Variants in TMEM67 observed in about 807,000 individuals in gnomAD.
TMEM67 encodes meckelin.
In TMEM67, 124 loss-of-function variants were observed where a neutral mutation model predicts 136.6. The ratio of observed to expected loss-of-function variants is 0.91; its 90% CI spans 0.78 to 1.05. The LOEUF is 1.05. TMEM67 is among the 50% of genes least tolerant of loss of function. TMEM67 has a pLI of 0.00. For synonymous variants in TMEM67, 364 were observed against 390.5 expected (o/e 0.93, Z 0.80); for missense variants, 1,107 against 1,178.4 (o/e 0.94, Z 0.89).
downstream of TMEM67, among the ~76,000 whole-genome samples, chr8:93,818,775 G>T (rs550678968): frequency 6.6e-6 from 1 of 152,246 alleles, no homozygotes; most frequent in South Asian, 2.1e-4. Context: ...ACCACTTGTT[G>T]TAAGGATTAG....
the TMEM67 span, among the ~76,000 whole-genome samples, chr8:93,826,491 A>G: frequency 6.6e-6 from 1 of 152,154 alleles, no homozygotes; most frequent in African/African-American, 2.4e-5. Flanking sequence ...GTGTGACTCA[A>G]TTCTTCCTCC....
At chr8:93,774,632 G>A (rs1442939740) in intron 7 of TMEM67, among the ~76,000 whole-genome samples, 3 of 152,134 alleles carry the variant, frequency 2.0e-5, no homozygotes, top group Non-Finnish European at 4.4e-5. Context: ...CCTTGTGATA[G>A]TTTACTCAGA....
chr8:93,796,711 A>G (rs753405439), intron 18 of TMEM67, among the ~76,000 whole-genome samples: 2 of 152,230 alleles, frequency 1.3e-5, no homozygotes, highest in Non-Finnish European at 2.9e-5. Context: ...AAAGACAGTA[A>G]GAGCATTCGA....
intron 22 of TMEM67, among the ~76,000 whole-genome samples, chr8:93,803,989 C>T (rs1464806260): frequency 6.6e-6 from 1 of 151,674 alleles, no homozygotes; most frequent in African/African-American, 2.4e-5. Context: ...ATTCTCATAC[C>T]TCAACCTCCT....
intron 1 of TMEM67, 53 bp from the exon 2 acceptor site, chr8:93,755,725 T>G (rs1812537231): frequency 8.0e-7 from 1 of 1,244,144 alleles, no homozygotes; most frequent in Non-Finnish European, 1.1e-6. Context: ...GGGAACTTTA[T>G]TTTTATTTAT....
At chr8:93,799,783 A>G (rs779862463) in intron 21 of TMEM67, 25 bp downstream of exon 21, 1 of 1,593,022 alleles carries the variant, frequency 6.3e-7, no homozygotes, top group South Asian at 1.1e-5. Flanking sequence ...AGGTAATATT[A>G]CTTCTAAGTA....
At chr8:93,823,210 C>T (rs1200673531), downstream of TMEM67, among the ~76,000 whole-genome samples, 1 of 152,168 alleles carries the variant, frequency 6.6e-6, no homozygotes, top group Non-Finnish European at 1.5e-5. Context: ...ACTTGTCAGC[C>T]TGGCTGGGTT....
rs1237230292 is a variant in TMEM67 at position 93,797,190 on chromosome 8, T to C, written c.1917T>C (p.Ile639=). The change falls in exon 19 of 28, where the codon ATT becomes ATC. Residue 639 remains isoleucine, a synonymous_variant. Transcript: ENST00000453321. ...ISQITIDVFF[I]DWERPKGKVL... is the part of the protein sequence containing the mutation. Reference sequence around the variant, plus strand: ...AGATTACAATAGATGTATTCTTTATTGATTGGGAGCGACCTAAAGGAAAGG... The same window carrying C: ...AGATTACAATAGATGTATTCTTTATCGATTGGGAGCGACCTAAAGGAAAGG... 6.2e-7 allele frequency: 1 copy of C among 1,613,512 alleles called. No homozygotes were observed.
In TMEM67 at chr8:93,791,372, G is replaced by A. The variant is rs73694955; in HGVS notation, c.1575+53G>A. On this transcript the variant is annotated intron_variant, in intron 15 of 27. Coordinates refer to ENST00000453321, the MANE Select transcript of TMEM67 (RefSeq NM_153704.6). The stretch of plus-strand genomic sequence containing the variant: ...TATACAGTGTATTTTATAATTAAAT[G>A]ATTTCAGATGTGCAAGAAGTTGCTA... The A allele has an allele frequency of 0.011, 14,338 of 1,281,198 alleles. 1,136 individuals carry two copies. The African/African-American group carries it at 0.18, about 16-fold the overall frequency. The allele number at this position is 1,281,198 out of a possible 1,614,324, so 79.4% of individuals were successfully genotyped here.
Position 93,775,296 on chromosome 8 carries a change from G to T in TMEM67, c.714+2645G>T, listed in dbSNP as rs181863612. On this transcript the variant is annotated intron_variant, in intron 7 of 27. Coordinates refer to ENST00000453321, the MANE Select transcript of TMEM67 (RefSeq NM_153704.6). ...TATTGCAAAAAATTTCTCCCATTGT[G>T]TAGGTTGTGTGTTCACTCTGATGAC... Among the ~76,000 whole-genome samples the T allele has an allele frequency of 3.8e-3, 583 of 152,280 alleles. 3 individuals carry two copies. Among genetic ancestry groups the T allele is most frequent in the African/African-American group, 0.014 (568 of 41,536 alleles).
At chr8:93,772,790 G>A in intron 7 of TMEM67, 139 bp downstream of exon 7, 1 of 642,176 alleles carries the variant, frequency 1.6e-6, no homozygotes, top group Non-Finnish European at 2.7e-6. Context: ...ACTCTTTCTT[G>A]TGGGCTGAAA....
intron 6 of TMEM67, among the ~76,000 whole-genome samples, chr8:93,770,034 C>T (rs1257432560): frequency 3.3e-5 from 5 of 152,192 alleles, no homozygotes; most frequent in Non-Finnish European, 2.9e-5. Context: ...GTTAGTGTCT[C>T]CCCATTCCCT....
At chr8:93,784,678 A>G (rs949087128) in intron 11 of TMEM67, among the ~76,000 whole-genome samples, 1 of 152,244 alleles carries the variant, frequency 6.6e-6, no homozygotes, top group Non-Finnish European at 1.5e-5. Context: ...GGAAGGAAAT[A>G]TCAGACAGAA....
chr8:93,810,901 G>A (rs1295058148), intron 26 of TMEM67, among the ~76,000 whole-genome samples: 7 of 152,168 alleles, frequency 4.6e-5, no homozygotes. Flanking sequence ...TATTATTTGT[G>A]ACAGGAGTAG....
intron 3 of TMEM67, among the ~76,000 whole-genome samples, chr8:93,760,734 T>C (rs1361975447): frequency 6.7e-6 from 1 of 150,070 alleles, no homozygotes; most frequent in Non-Finnish European, 1.5e-5. Context: ...ATTTATAAAA[T>C]GCCATAAAAA....
intron 2 of TMEM67, chr8:93,756,081 C>T (rs758774736): frequency 1.7e-4 from 74 of 432,472 alleles, no homozygotes; most frequent in Non-Finnish European, 2.0e-4. Context: ...ATCTGAAATC[C>T]AAAAACCACA....
Position 93,785,235 on chromosome 8 carries a change from T to C in TMEM67, c.1145T>C (p.Ile382Thr), listed in dbSNP as rs1212851821. 3 of 1,584,458 alleles carry C rather than the reference T, an allele frequency of 1.9e-6. No individual in the cohort carries two copies. Among genetic ancestry groups the C allele is most frequent in the Non-Finnish European group, 2.6e-6 (3 of 1,154,486 alleles). ...TTTACTTTTCAGTGTGAGATTCCTATCTCTAAGATCTTAATTGACTTTCCC... is the reference window on the plus strand; with the variant it reads ...TTTACTTTTCAGTGTGAGATTCCTACCTCTAAGATCTTAATTGACTTTCCC... Reference protein sequence around the residue: ...TTYQQNCEIPISKILIDFPTP... With the variant: ...TTYQQNCEIPTSKILIDFPTP... Residue 382 changes from isoleucine (I) to threonine (T), a missense_variant, in exon 12 of 28, where the codon ATC becomes ACC. Transcript: ENST00000453321.
intron 11 of TMEM67, among the ~76,000 whole-genome samples, 169 bp from the exon 12 acceptor site, chr8:93,785,053 A>G (rs553637946): frequency 6.6e-6 from 1 of 152,336 alleles, no homozygotes; most frequent in East Asian, 1.9e-4. Flanking sequence ...GACAAATGAA[A>G]ATGCATATAA....
chr8:93,785,380 T>A lies in TMEM67; in HGVS notation c.1288+2T>A. 1 of 1,612,394 alleles carries A rather than the reference T, an allele frequency of 6.2e-7. No individual in the cohort carries two copies. The highest frequency in any genetic ancestry group is 8.5e-7 in the Non-Finnish European group (1 of 1,179,132). On this transcript the variant is annotated splice_donor_variant, in intron 12 of 27. Transcript: ENST00000453321. LOFTEE classifies it high-confidence loss of function. ...ATAATAAGATATTTGTGAACCAAGG[T>A]AAGACATCCATACATACCACTCTTT...
Sources: allele counts gnomAD v4.1 joint callset (sites outside exome capture counted in the v4.1 genomes callset), GRCh38; gene constraint gnomAD v4.1.1; transcripts MANE v1.5; gene names NCBI Gene and HGNC (gene_info 2026-07-23, HGNC 2026-07-21).